The following CPN2 variants were observed in gnomAD, a reference collection of about 807,000 sequenced individuals.
The protein encoded by CPN2 is carboxypeptidase N 83 kDa chain.
For missense variants in CPN2, 620 were observed against 671.4 expected, an observed-to-expected ratio of 0.92 and a Z score of 0.85; for synonymous variants, 336 against 318.4, an observed-to-expected ratio of 1.06 and a Z score of -0.59.
Position 194,342,271 on chromosome 3 carries a change from C to T in CPN2, c.432G>A (p.Leu144=). The T allele has an allele frequency of 6.2e-7, 1 of 1,613,898 alleles. No homozygotes were observed. Among genetic ancestry groups the T allele is most frequent in the South Asian group, 1.1e-5 (1 of 91,070 alleles). ...GCAGGTGGAGGGACTCCAGGGCAGC[C>T]AGGTGCTGGAAAAGACCCTCGGGCA... ...EALPEGLFQH[L]AALESLHLQG... is the part of the protein sequence containing the mutation. The change falls in exon 2 of 2, where the codon CTG becomes CTA. Residue 144 remains leucine, a synonymous_variant. Coordinates refer to ENST00000323830, the MANE Select transcript of CPN2 (RefSeq NM_001080513.4).
At position 194,342,149 on chromosome 3, in the gene CPN2, G is replaced by C; in HGVS notation, c.554C>G (p.Pro185Arg). Residue 185 changes from proline to arginine, a missense_variant, in exon 2 of 2, where the codon CCG becomes CGG. Coordinates refer to ENST00000323830, the MANE Select transcript of CPN2 (RefSeq NM_001080513.4). The part of the protein sequence containing the change: ...NLAQNLLAQL[P>R]EELFHPLTSL... Reference sequence around the variant, plus strand: ...GGTGAGTGGGTGGAACAGCTCCTCCGGGAGCTGGGCCAGGAGGTTCTGGGC... The same window carrying C: ...GGTGAGTGGGTGGAACAGCTCCTCCCGGAGCTGGGCCAGGAGGTTCTGGGC... The C allele has an allele frequency of 6.2e-7, 1 of 1,614,074 alleles. No individual in the cohort carries two copies. The highest frequency in any genetic ancestry group is 8.5e-7 in the Non-Finnish European group (1 of 1,179,972).
At chr3:194,349,252 T>A (rs1162014911) in intron 1 of CPN2, among the ~76,000 whole-genome samples, 1 of 152,036 alleles carries the variant, frequency 6.6e-6, no homozygotes, top group African/African-American at 2.4e-5. Context: ...TCCCAGCTAC[T>A]CGGGAGGCTG....
At chr3:194,343,987 C>T (rs889269834) in intron 1 of CPN2, among the ~76,000 whole-genome samples, 1 of 152,218 alleles carries the variant, frequency 6.6e-6, no homozygotes, top group African/African-American at 2.4e-5. Flanking sequence ...AGCTCTTTCA[C>T]AACATAATCC....
In CPN2 at chr3:194,341,792, A is replaced by G; in HGVS notation, c.911T>C (p.Val304Ala). ...LSLTHNQLET[V>A]AEGTFAHLSN... ...CAGGTGGGCAAAGGTGCCCTCAGCG[A>G]CAGTCTCCAGCTGGTTATGGGTCAG... Residue 304 changes from valine to alanine, a missense_variant, in exon 2 of 2, where the codon GTC (valine) becomes GCC (alanine). By Grantham distance (64) the Val-to-Ala change is moderately conservative. Coordinates refer to ENST00000323830, the MANE Select transcript of CPN2 (RefSeq NM_001080513.4). 6.2e-7 allele frequency: 1 copy of G among 1,614,048 alleles called. No individual in the cohort carries two copies. Among genetic ancestry groups the G allele is most frequent in the Non-Finnish European group, 8.5e-7 (1 of 1,179,932 alleles).
Position 194,341,968 on chromosome 3 carries a change from C to A in CPN2, c.735G>T (p.Arg245Ser). 1 of 1,614,154 alleles carries A rather than the reference C, an allele frequency of 6.2e-7. No individual in the cohort carries two copies. Among genetic ancestry groups the A allele is most frequent in the Non-Finnish European group, 8.5e-7 (1 of 1,180,042 alleles). ...QVFSQLFCLE[R>S]LWLQRNAITH... ...TGATGGCGTTGCGTTGCAGCCACAG[C>A]CTCTCTAGGCAGAAGAGCTGGGAGA... The change falls in exon 2 of 2, where the codon AGG (arginine) becomes AGT (serine). Residue 245 changes from arginine to serine, a missense_variant. By Grantham distance (110) the Arg-to-Ser change is moderately radical. Transcript: ENST00000323830.
chr3:194,342,560 G>A lies in CPN2; in HGVS notation c.143C>T (p.Pro48Leu), dbSNP rs377176546. 286 of 1,614,154 alleles carry A rather than the reference G, an allele frequency of 1.8e-4. No homozygotes were observed. Among genetic ancestry groups the A allele is most frequent in the Admixed American group, 3.0e-4 (18 of 60,028 alleles). The change falls in exon 2 of 2, where the codon CCG (proline) becomes CTG (leucine). Residue 48 changes from proline to leucine, a missense_variant. Transcript: ENST00000323830. ...AAAGATGATGTTTTTCGTATATGGCGGGATGTCCAGTGGGACGGTGGCAAG... is the reference window on the plus strand; with the variant it reads ...AAAGATGATGTTTTTCGTATATGGCAGGATGTCCAGTGGGACGGTGGCAAG... ...EELATVPLDIPPYTKNIIFVE... is the reference protein window; with the variant it reads ...EELATVPLDILPYTKNIIFVE...
At chr3:194,350,264 G>A (rs1310499630) in intron 1 of CPN2, among the ~76,000 whole-genome samples, 1 of 151,906 alleles carries the variant, frequency 6.6e-6, no homozygotes, top group Non-Finnish European at 1.5e-5. Context: ...CTCGGGGCCA[G>A]GCACTGAGAA....
At chr3:194,350,116 C>T (rs887977072) in intron 1 of CPN2, among the ~76,000 whole-genome samples, 1 of 152,026 alleles carries the variant, frequency 6.6e-6, no homozygotes, top group East Asian at 1.9e-4. Flanking sequence ...CTTGGGTCCT[C>T]GGATCCCTCT....
Position 194,342,352 on chromosome 3 carries a change from G to A in CPN2, c.351C>T (p.Phe117=), listed in dbSNP as rs1442822708. 1 of 1,614,034 alleles carries A rather than the reference G, an allele frequency of 6.2e-7. No individual in the cohort carries two copies. Among genetic ancestry groups the A allele is most frequent in the Admixed American group, 1.7e-5 (1 of 60,004 alleles). ...SSFLNLSTNI[F]SNLTSLGKLT... ...GCTTGCCCAGCGAGGTCAGGTTGGA[G>A]AAGATGTTGGTGCTGAGGTTCAAGA... The change falls in exon 2 of 2, where the codon TTC becomes TTT. Residue 117 remains phenylalanine, a synonymous_variant. Transcript: ENST00000323830.
intron 1 of CPN2, among the ~76,000 whole-genome samples, chr3:194,349,259 G>A (rs1445843662): frequency 2.6e-5 from 4 of 152,188 alleles, no homozygotes; most frequent in African/African-American, 9.7e-5. Flanking sequence ...TACTCGGGAG[G>A]CTGAGGCAGG....
intron 1 of CPN2, among the ~76,000 whole-genome samples, chr3:194,349,863 G>A (rs976042199): frequency 3.9e-5 from 5 of 127,228 alleles, no homozygotes; most frequent in African/African-American, 1.5e-4. Flanking sequence ...GTGCAGTGAC[G>A]CCATCTCTGC....
Position 194,348,989 on chromosome 3 carries a change from T to A in CPN2, c.-4+2253A>T, listed in dbSNP as rs532831986. On this transcript the variant is annotated intron_variant, in intron 1 of 1. Coordinates refer to ENST00000323830, the MANE Select transcript of CPN2 (RefSeq NM_001080513.4). ...TTTGCAATATCTTAAGTGAAATATA[T>A]GAAGTCTCAGAATGCTGCTTTTCCA... Among the ~76,000 whole-genome samples, 14 of 152,362 alleles carry A rather than the reference T, an allele frequency of 9.2e-5. No individual in the cohort carries two copies. In the South Asian group the frequency reaches 2.9e-3, roughly 32 times the overall value.
chr3:194,342,767 GT>G, intron 1 of CPN2, 62 bp from the exon 2 acceptor site: 1 of 752,352 alleles, frequency 1.3e-6, no homozygotes, highest in East Asian at 2.5e-5. Flanking sequence ...GCATGGCACA[GT>G]GACCAGGGCA....
At chr3:194,350,722 G>GGCAT in intron 1 of CPN2, among the ~76,000 whole-genome samples, 1 of 152,194 alleles carries the variant, frequency 6.6e-6, no homozygotes, top group South Asian at 2.1e-4. Flanking sequence ...TGGGTGCTGT[G>GGCAT]GCATGCGCTT....
Position 194,342,532 on chromosome 3 carries a change from C to T in CPN2, c.171G>A (p.Val57=). ...TTTCCAATGTGGTGAACGAGGTCTCCACAAAGATGATGTTTTTCGTATATG... is the reference window on the plus strand; with the variant it reads ...TTTCCAATGTGGTGAACGAGGTCTCTACAAAGATGATGTTTTTCGTATATG... The part of the protein sequence containing the change: ...IPPYTKNIIF[V]ETSFTTLETR... The change falls in exon 2 of 2, where the codon GTG becomes GTA. Residue 57 remains valine (V), a synonymous_variant. Coordinates refer to ENST00000323830, the MANE Select transcript of CPN2 (RefSeq NM_001080513.4). The T allele has an allele frequency of 2.5e-6, 4 of 1,614,150 alleles. No individual in the cohort carries two copies. Among genetic ancestry groups the T allele is most frequent in the Non-Finnish European group, 3.4e-6 (4 of 1,180,020 alleles).
chr3:194,342,154 C>A lies in CPN2; in HGVS notation c.549G>T (p.Gln183His), dbSNP rs777813735. 1 of 1,614,100 alleles carries A rather than the reference C, an allele frequency of 6.2e-7. No individual in the cohort carries two copies. Among genetic ancestry groups the A allele is most frequent in the East Asian group, 2.2e-5 (1 of 44,878 alleles). ...GTGGGTGGAACAGCTCCTCCGGGAGCTGGGCCAGGAGGTTCTGGGCCAGGT... is the reference window on the plus strand; with the variant it reads ...GTGGGTGGAACAGCTCCTCCGGGAGATGGGCCAGGAGGTTCTGGGCCAGGT... ...TLNLAQNLLA[Q>H]LPEELFHPLT... The change falls in exon 2 of 2, where the codon CAG becomes CAT. Residue 183 changes from glutamine to histidine, a missense_variant. Physicochemically the swap from Gln to His is conservative, Grantham distance 24. Transcript: ENST00000323830.
At chr3:194,343,859 G>A (rs959870699) in intron 1 of CPN2, among the ~76,000 whole-genome samples, 1 of 152,118 alleles carries the variant, frequency 6.6e-6, no homozygotes, top group African/African-American at 2.4e-5. Flanking sequence ...ATTGTTAAAG[G>A]TTGCAAGCTA....
Position 194,341,820 on chromosome 3 carries a change from ACAGGCCAAC to A in CPN2, c.874_882del (p.Val292_Leu294del). The A allele has an allele frequency of 6.2e-7, 1 of 1,613,928 alleles. No homozygotes were observed. Among genetic ancestry groups the A allele is most frequent in the East Asian group, 2.2e-5 (1 of 44,880 alleles). Reference sequence around the variant, plus strand: ...GTCTCCAGCTGGTTATGGGTCAGAGACAGGCCAACCAGGCACGGGGTGTGGGCAAAGAGG... The same window carrying A: ...GTCTCCAGCTGGTTATGGGTCAGAGACAGGCACGGGGTGTGGGCAAAGAGG... On this transcript the variant is annotated inframe_deletion, in exon 2 of 2. Transcript: ENST00000323830.
At position 194,341,948 on chromosome 3, in the gene CPN2, G is replaced by A. The variant is rs149427019; in HGVS notation, c.755C>T (p.Ala252Val). Reference sequence around the variant, plus strand: ...GATGGAGAGCGGCAGGTGCGTGATGGCGTTGCGTTGCAGCCACAGCCTCTC... The same window carrying A: ...GATGGAGAGCGGCAGGTGCGTGATGACGTTGCGTTGCAGCCACAGCCTCTC... ...CLERLWLQRNAITHLPLSIFA... is the reference protein window; with the variant it reads ...CLERLWLQRNVITHLPLSIFA... The change falls in exon 2 of 2, where the codon GCC becomes GTC. Residue 252 changes from alanine to valine, a missense_variant. Transcript: ENST00000323830. 2.0e-3 allele frequency: 3,169 copies of A among 1,613,962 alleles called. 6 individuals are homozygous for A. The highest frequency in any genetic ancestry group is 2.0e-3 in the Non-Finnish European group (2,359 of 1,180,020).
Sources: allele counts gnomAD v4.1 joint callset (sites outside exome capture counted in the v4.1 genomes callset), GRCh38; gene constraint gnomAD v4.1.1; transcripts MANE v1.5; gene names NCBI Gene and HGNC (gene_info 2026-07-23, HGNC 2026-07-21).